The following FLNA variants were observed in gnomAD, a reference collection of about 807,000 sequenced individuals.
FLNA encodes filamin-A.
In FLNA, 7 loss-of-function variants were observed where a neutral mutation model predicts 157.6. The observed-to-expected ratio is 0.04, with a 90% CI of 0.03 to 0.08. The LOEUF (loss-of-function observed/expected upper bound fraction) is 0.08. Ranked by LOEUF, FLNA falls within the 10% of genes least tolerant of loss-of-function variation. The probability of loss-of-function intolerance (pLI) is 1.00; values close to 1 mark genes in which losing one functional copy is unlikely to be tolerated. For missense variants in FLNA, 1,750 were observed against 2,398.4 expected (o/e 0.73, Z 5.65); for synonymous variants, 1,103 against 1,060.8 (o/e 1.04, Z -0.77).
Position 154,361,435 on chromosome X carries a change from T to C in FLNA, c.3080A>G (p.Asp1027Gly). The C allele has an allele frequency of 8.3e-7, 1 of 1,211,007 alleles. No homozygotes were observed. Among genetic ancestry groups the C allele is most frequent in the South Asian group, 1.8e-5 (1 of 56,975 alleles). The change falls in exon 21 of 48, where the codon GAC becomes GGC. Residue 1027 changes from aspartate to glycine, a missense_variant. By Grantham distance (94) the Asp-to-Gly change is moderately conservative (BLOSUM62 -1). Around this residue, in one of 5 missense-constraint regions of FLNA, gnomAD observed 648 missense variants for 805.8 expected, o/e 0.80. Transcript: ENST00000369850. Reference protein sequence around the residue: ...PCKVEPGLGADNSVVRFLPRE... With the variant: ...PCKVEPGLGAGNSVVRFLPRE... The stretch of plus-strand genomic sequence containing the variant: ...GGGCAGGAAGCGCACCACACTGTTG[T>C]CAGCCCCCAGGCCTGGCTCCACCTT...
rs782477734 is a variant in FLNA, at chrX:154,352,574, C to T, written c.6481G>A (p.Asp2161Asn). ...CTACCAGGGATTTTCAGGCTGAGGT[C>T]ACAATGACTACCAACGTTGGCCACT... ...PSVANVGSHC[D>N]LSLKIPEISI... Residue 2161 changes from aspartate to asparagine, a missense_variant, in exon 40 of 48, where the codon GAC (aspartate) becomes AAC (asparagine). By Grantham distance (23) the Asp-to-Asn change is conservative. Transcript: ENST00000369850. The T allele has an allele frequency of 1.3e-5, 16 of 1,210,521 alleles. No homozygotes were observed. The Admixed American group carries it at 3.3e-4, about 25-fold the overall frequency.
chrX:154,369,665 C>G (rs933242778), intron 2 of FLNA, among the ~76,000 whole-genome samples: 1 of 111,878 alleles, frequency 8.9e-6, no homozygotes, highest in Non-Finnish European at 1.9e-5. Flanking sequence ...GGGAGGAGAC[C>G]CCCCCTAAAG....
chrX:154,366,146 G>A lies in FLNA; in HGVS notation c.1307C>T (p.Ala436Val). The A allele has an allele frequency of 8.3e-7, 1 of 1,210,388 alleles. No individual in the cohort carries two copies. Among genetic ancestry groups the A allele is most frequent in the Non-Finnish European group, 1.1e-6 (1 of 895,159 alleles). Residue 436 changes from alanine to valine, a missense_variant, in exon 9 of 48, where the codon GCC becomes GTC. By Grantham distance (64) the Ala-to-Val change is moderately conservative (BLOSUM62 0). Around this residue, in one of 5 missense-constraint regions of FLNA, gnomAD observed 648 missense variants for 805.8 expected, o/e 0.80. Coordinates refer to ENST00000369850, the MANE Select transcript of FLNA (RefSeq NM_001110556.2). ...GCAGCGGTATGTGCTGTCGCCCCGG[G>A]CCTCCAGCTGAGGCTCTACCGTGCC... ...QKGTVEPQLE[A>V]RGDSTYRCSY...
chrX:154,363,417 C>CAA (rs1267624154), intron 15 of FLNA, among the ~76,000 whole-genome samples: 1 of 67,066 alleles, frequency 1.5e-5, no homozygotes, highest in Non-Finnish European at 2.9e-5. Context: ...AACTCCGGCT[C>CAA]AAAAAAAAAA....
chrX:154,362,806 G>C, intron 15 of FLNA, 22 bp from the exon 16 acceptor site: 1 of 1,187,583 alleles, frequency 8.4e-7, no homozygotes, highest in Non-Finnish European at 1.1e-6. Flanking sequence ...AGGGGCAAGG[G>C]CAAGGGCATG....
At chrX:154,371,396 A>G (rs1304425740) in intron 1 of FLNA, 35 bp from the exon 2 acceptor site, 1 of 499,359 alleles carries the variant, frequency 2.0e-6, no homozygotes, top group Non-Finnish European at 2.8e-6. Context: ...ATGCGGGAGG[A>G]GGGCGGGGCC....
rs782639432 is a variant in FLNA, at chrX:154,365,998, C to T, written c.1429+26G>A. ...GGAGGCCCAGACTGCAGTGCCACAG[C>T]AGAGGGCAGTCAGGGCCGGGCCTAC... On this transcript the variant is annotated intron_variant, in intron 9 of 47. Transcript: ENST00000369850. 9 of 1,172,684 alleles carry T rather than the reference C, an allele frequency of 7.7e-6. No individual in the cohort carries two copies. The South Asian group carries it at 1.3e-4, about 17-fold the overall frequency.
rs2067736248 is a variant in FLNA, at chrX:154,364,126, T to C, written c.2176A>G (p.Asn726Asp). Residue 726 changes from asparagine (N) to aspartate (D), a missense_variant, in exon 15 of 48, where the codon AAC (asparagine) becomes GAC (aspartate). This residue lies in a region of FLNA where 648 missense variants were observed against 805.8 expected (regional missense o/e 0.80). Coordinates refer to ENST00000369850, the MANE Select transcript of FLNA (RefSeq NM_001110556.2). The part of the protein sequence containing the change: ...GCPVEALVKD[N>D]GNGTYSCSYV... ...GAGCAGCTGTAAGTGCCATTGCCGT[T>C]GTCCTTGACCAACGCCTCCACAGGG... is the stretch of plus-strand genomic sequence containing the variant. 8.3e-7 allele frequency: 1 copy of C among 1,209,542 alleles called. No homozygotes were observed. Among genetic ancestry groups the C allele is most frequent in the Non-Finnish European group, 1.1e-6 (1 of 895,001 alleles).
chrX:154,369,230 G>A (rs2067785513), intron 2 of FLNA, among the ~76,000 whole-genome samples: 1 of 112,238 alleles, frequency 8.9e-6, no homozygotes, highest in Non-Finnish European at 1.9e-5. Context: ...CTGGCCCCAC[G>A]AGGCTGCCTT....
In FLNA at chrX:154,359,832, G is replaced by C. The variant is rs1557177612; in HGVS notation, c.3879C>G (p.Val1293=). ...CTGAGGGGTTGGCCACACGGGCCTT[G>C]ACGTGCGGCCCTCCGGTCTGTGTCA... The part of the protein sequence containing the change: ...RALTQTGGPH[V]KARVANPSGN... The change falls in exon 23 of 48, where the codon GTC becomes GTG. Residue 1293 remains valine (V), a synonymous_variant. Transcript: ENST00000369850. 2.5e-6 allele frequency: 3 copies of C among 1,210,728 alleles called. No individual in the cohort carries two copies. The highest frequency in any genetic ancestry group is 2.2e-5 in the Admixed American group (1 of 46,130).
intron 1 of FLNA, among the ~76,000 whole-genome samples, chrX:154,372,697 T>TC (rs1383197685): frequency 1.9e-5 from 2 of 105,807 alleles, no homozygotes; most frequent in African/African-American, 7.0e-5. Context: ...CCTCGGTACC[T>TC]CCCCTCTCCA....
rs183899917 is a variant in FLNA, at chrX:154,360,366, G to T, written c.3429C>A (p.Thr1143=). The change falls in exon 22 of 48, where the codon ACC becomes ACA. Residue 1143 remains threonine (T), a synonymous_variant. Coordinates refer to ENST00000369850, the MANE Select transcript of FLNA (RefSeq NM_001110556.2). ...DYNINILFAD[T]HIPGSPFKAH... ...CCTTGAATGGGGAGCCAGGGATGTG[G>T]GTGTCAGCGAAGAGGATGTTGATGT... 2.5e-5 allele frequency: 30 copies of T among 1,210,624 alleles called. No individual in the cohort carries two copies. The African/African-American group carries it at 4.9e-4, about 20-fold the overall frequency.
At position 154,359,433 on chromosome X, in the gene FLNA, C is replaced by T. The variant is rs202184704; in HGVS notation, c.4143-27G>A. The T allele has an allele frequency of 8.2e-4, 994 of 1,210,687 alleles. 1 individual carries two copies. The highest frequency in any genetic ancestry group is 1.8e-3 in the Middle Eastern group (8 of 4,354). On this transcript the variant is annotated intron_variant, in intron 24 of 47. Coordinates refer to ENST00000369850, the MANE Select transcript of FLNA (RefSeq NM_001110556.2). ...TGGTCCAAACAGACAGCCGGTCATT[C>T]CTGGGGTTCCCAGGCCCACCAGCCA... is the stretch of plus-strand genomic sequence containing the variant.
intron 25 of FLNA, 30 bp from the exon 26 acceptor site, chrX:154,359,184 GTA>G (rs1569551617): frequency 8.3e-7 from 1 of 1,211,124 alleles, no homozygotes; most frequent in South Asian, 1.8e-5. Context: ...GATGGCGGCT[GTA>G]TGAGACAGGG....
At chrX:154,357,121 T>G in intron 30 of FLNA, 130 bp downstream of exon 30, 1 of 656,747 alleles carries the variant, frequency 1.5e-6, no homozygotes, top group Non-Finnish European at 2.3e-6. Context: ...CCTCATCTTC[T>G]GCACCCCACC....
chrX:154,368,231 G>A (rs2067778025), intron 2 of FLNA, 141 bp from the exon 3 acceptor site: 3 of 877,051 alleles, frequency 3.4e-6, no homozygotes, highest in Non-Finnish European at 5.0e-6. Context: ...GTGGTAGGAT[G>A]TGGATGAGGC....
chrX:154,369,664 C>G (rs923184053), intron 2 of FLNA, among the ~76,000 whole-genome samples: 1 of 111,739 alleles, frequency 8.9e-6, no homozygotes, highest in African/African-American at 3.3e-5. Context: ...AGGGAGGAGA[C>G]CCCCCCTAAA....
chrX:154,363,639 G>A (rs2067731140), intron 15 of FLNA, among the ~76,000 whole-genome samples: 1 of 111,156 alleles, frequency 9.0e-6, no homozygotes, highest in Non-Finnish European at 1.9e-5. Context: ...TGTGAACCTG[G>A]GAGAAAGAGC....
chrX:154,365,440 G>A lies in FLNA; in HGVS notation c.1476C>T (p.Pro492=). The change falls in exon 10 of 48, where the codon CCC becomes CCT. Residue 492 remains proline, a synonymous_variant. Transcript: ENST00000369850. ...ACRAVGRGLQ[P]KGVRVKETAD... ...CTGTCTCCTTCACCCGCACACCCTT[G>A]GGCTGGAGGCCCCGGCCAACCGCCC... 1.7e-6 allele frequency: 2 copies of A among 1,211,571 alleles called. No homozygotes were observed. Among genetic ancestry groups the A allele is most frequent in the South Asian group, 3.5e-5 (2 of 57,055 alleles).
Sources: allele counts gnomAD v4.1 joint callset (sites outside exome capture counted in the v4.1 genomes callset), GRCh38; gene constraint gnomAD v4.1.1; regional missense constraint gnomAD v4.1.1; transcripts MANE v1.5; gene names NCBI Gene and HGNC (gene_info 2026-07-23, HGNC 2026-07-21).